Variants in ERC1 observed in about 807,000 individuals in gnomAD.
The protein encoded by ERC1 is ELKS/RAB6-interacting/CAST family member 1, also known as RAB6 interacting protein 2.
A neutral mutation model predicts 132.0 loss-of-function variants in ERC1; 56 were observed. The observed-to-expected ratio is 0.42, with a 90% CI of 0.34 to 0.53. ERC1 has a LOEUF of 0.53. Ranked by LOEUF, ERC1 falls within the 20% of genes least tolerant of loss-of-function variation. ERC1 has a pLI of 0.03. For synonymous variants in ERC1, 478 were observed against 476.1 expected (o/e 1.00, Z -0.05); for missense variants, 1,202 against 1,349.9 (o/e 0.89, Z 1.72).
chr12:1,065,480 TTGTGTGTGTGTGTGTGTGTGTGTG>T (rs71293132), intron 2 of ERC1, among the ~76,000 whole-genome samples: 2 of 124,920 alleles, frequency 1.6e-5, no homozygotes, highest in South Asian at 2.9e-4. Flanking sequence ...TTTGTACCGT[TTGTGTGTGTGTGTGTGTGTGTGTG>T]TGTGTGTGTG....
At chr12:1,426,963 A>G (rs965865696) in intron 17 of ERC1, among the ~76,000 whole-genome samples, 1 of 152,142 alleles carries the variant, frequency 6.6e-6, no homozygotes, top group Non-Finnish European at 1.5e-5. Flanking sequence ...GTGGCCCACT[A>G]GAACATATAT....
Position 1,028,010 on chromosome 12 carries a change from A to G in ERC1, c.107A>G (p.Asn36Ser), listed in dbSNP as rs1278711770. The G allele has an allele frequency of 3.1e-6, 5 of 1,614,034 alleles. No individual in the cohort carries two copies. In the South Asian group the frequency reaches 4.4e-5, roughly 14 times the overall value. ...CCTCGCTTGGGTCACCGTCGAACCA[A>G]CAGTACGGGAGGGAGTTCGGGAAGC... is the stretch of plus-strand genomic sequence containing the variant. Reference protein sequence around the residue: ...RSPRLGHRRTNSTGGSSGSSV... With the variant: ...RSPRLGHRRTSSTGGSSGSSV... The change falls in exon 2 of 19, where the codon AAC becomes AGC. Residue 36 changes from asparagine to serine, a missense_variant. By Grantham distance (46) the Asn-to-Ser change is conservative. Transcript: ENST00000360905.
chr12:1,287,314 T>C (rs11608884), intron 14 of ERC1, among the ~76,000 whole-genome samples: 34,648 of 152,154 alleles, frequency 0.23, 4,750 homozygotes, highest in Non-Finnish European at 0.3. Context: ...AGTTTATCAA[T>C]CAGATATTGT....
chr12:1,081,359 C>T (rs1942171284), intron 2 of ERC1, among the ~76,000 whole-genome samples: 1 of 152,188 alleles, frequency 6.6e-6, no homozygotes, highest in South Asian at 2.1e-4. Context: ...TTGTTACCGT[C>T]CCCTGTATAA....
intron 1 of ERC1, among the ~76,000 whole-genome samples, chr12:1,016,635 C>CTTTTTTTTT (rs397967271): frequency 1.2e-3 from 150 of 127,934 alleles, no homozygotes; most frequent in Non-Finnish European, 1.5e-3. Context: ...CTTTTCTTTT[C>CTTTTTTTTT]TTTTTTTTTT....
intron 15 of ERC1, among the ~76,000 whole-genome samples, chr12:1,320,653 TG>T (rs2082052186): frequency 6.6e-6 from 1 of 152,206 alleles, no homozygotes; most frequent in African/African-American, 2.4e-5. Context: ...AATTCCAAAA[TG>T]TAACAAAGGG....
At chr12:1,334,282 G>C (rs1023651233) in intron 15 of ERC1, among the ~76,000 whole-genome samples, 2 of 152,056 alleles carry the variant, frequency 1.3e-5, no homozygotes, top group African/African-American at 4.8e-5. Context: ...GTTGCTTTTG[G>C]CATCCTCATT....
chr12:1,080,417 G>A (rs1335253258), intron 2 of ERC1, among the ~76,000 whole-genome samples: 3 of 152,186 alleles, frequency 2.0e-5, no homozygotes, highest in Non-Finnish European at 4.4e-5. Context: ...TTAGCACAAC[G>A]TCTTGAAGGT....
chr12:1,134,503 CACTTGGCT>C (rs1327358911), intron 7 of ERC1, among the ~76,000 whole-genome samples: 1 of 151,906 alleles, frequency 6.6e-6, no homozygotes, highest in Non-Finnish European at 1.5e-5. Context: ...TGTGCCACCA[CACTTGGCT>C]AATTAAAAAA....
chr12:1,129,540 A>G (rs1209249746), intron 7 of ERC1, among the ~76,000 whole-genome samples: 2 of 152,008 alleles, frequency 1.3e-5, no homozygotes, highest in Non-Finnish European at 2.9e-5. Context: ...AAAGAAAACA[A>G]CCTGCTGGGG....
chr12:1,394,548 G>A (rs1180261453), intron 16 of ERC1, among the ~76,000 whole-genome samples: 1 of 152,162 alleles, frequency 6.6e-6, no homozygotes, highest in Non-Finnish European at 1.5e-5. Context: ...TGTTGAAGAA[G>A]GGGCCTGATG....
At chr12:1,243,823 C>A (rs117919952) in intron 13 of ERC1, among the ~76,000 whole-genome samples, 1 of 152,240 alleles carries the variant, frequency 6.6e-6, no homozygotes, top group East Asian at 1.9e-4. Flanking sequence ...AGTTTGAAAC[C>A]ACGTTTAGAA....
chr12:1,411,743 G>A (rs2091864904), intron 17 of ERC1, among the ~76,000 whole-genome samples: 1 of 152,078 alleles, frequency 6.6e-6, no homozygotes, highest in Admixed American at 6.6e-5. Context: ...TGTCTATTTT[G>A]GCAGAACATA....
At chr12:1,381,726 G>A (rs1231281775) in intron 16 of ERC1, among the ~76,000 whole-genome samples, 1 of 152,036 alleles carries the variant, frequency 6.6e-6, no homozygotes, top group Non-Finnish European at 1.5e-5. Flanking sequence ...CTCACTTCTG[G>A]AATTGCCTTG....
chr12:1,285,528 GATATA>G (rs1566485247), intron 14 of ERC1, among the ~76,000 whole-genome samples: 1 of 152,252 alleles, frequency 6.6e-6, no homozygotes, highest in East Asian at 1.9e-4. Flanking sequence ...GTGCTAGAAA[GATATA>G]AAGATATCTT....
rs1950541775 is a variant in ERC1, at chr12:1,148,168, G to A, written c.1737+6381G>A. 2.0e-5 allele frequency among the ~76,000 whole-genome samples: 3 copies of A among 152,066 alleles called. No individual in the cohort carries two copies. In the South Asian group the frequency reaches 6.2e-4, roughly 32 times the overall value. On this transcript the variant is annotated intron_variant, in intron 8 of 18. Coordinates refer to ENST00000360905, the MANE Select transcript of ERC1 (RefSeq NM_178040.4). ...GTAACGCATTGCTTATTTTTAACTA[G>A]GTAAAAATTTTTAGAAAAGTTTTTG...
At chr12:1,336,365 A>G (rs2083312572) in intron 15 of ERC1, among the ~76,000 whole-genome samples, 2 of 152,022 alleles carry the variant, frequency 1.3e-5, no homozygotes, top group African/African-American at 4.8e-5. Context: ...AGATCTTTCT[A>G]ACTCTTTGAT....
intron 15 of ERC1, among the ~76,000 whole-genome samples, chr12:1,330,187 A>T (rs75959048): frequency 0.063 from 9,596 of 152,286 alleles, 365 homozygotes; most frequent in East Asian, 0.11. Context: ...GAAAAGTCAG[A>T]TAGCACAGAA....
At chr12:1,078,586 A>G (rs1941703087) in intron 2 of ERC1, among the ~76,000 whole-genome samples, 1 of 152,006 alleles carries the variant, frequency 6.6e-6, no homozygotes, top group Non-Finnish European at 1.5e-5. Flanking sequence ...TCTTTGTATT[A>G]AAAAAGAAAA....
Sources: allele counts gnomAD v4.1 joint callset (sites outside exome capture counted in the v4.1 genomes callset), GRCh38; gene constraint gnomAD v4.1.1; transcripts MANE v1.5; gene names NCBI Gene and HGNC (gene_info 2026-07-23, HGNC 2026-07-21).